Variants in ADAMTS9 observed in about 807,000 individuals in gnomAD.
ADAMTS9 encodes the protein A disintegrin and metalloproteinase with thrombospondin motifs 9.
ADAMTS9 carries 107 observed loss-of-function variants against 257.1 expected under a neutral mutation model. That is an observed-to-expected ratio of 0.42 (90% confidence interval 0.36 to 0.49). ADAMTS9 has a LOEUF of 0.49. ADAMTS9 is among the 20% of genes least tolerant of loss of function. ADAMTS9 has a pLI of 0.03. For missense variants in ADAMTS9, 2,353 were observed against 2,469.1 expected, an observed-to-expected ratio of 0.95 and a Z score of 1.00; for synonymous variants, 982 against 880.9, an observed-to-expected ratio of 1.11 and a Z score of -2.03.
In ADAMTS9 at chr3:64,619,006, A is replaced by C. The variant is rs73122252; in HGVS notation, c.2813+2108T>G. On this transcript the variant is annotated intron_variant, in intron 19 of 39. Coordinates refer to ENST00000498707, the MANE Select transcript of ADAMTS9 (RefSeq NM_182920.2). Reference sequence around the variant, plus strand: ...CTTTGGAATCTGCTCAAAGTGAAAAATAGTTTTTCAAAATAACAGCTCAAA... The same window carrying C: ...CTTTGGAATCTGCTCAAAGTGAAAACTAGTTTTTCAAAATAACAGCTCAAA... 2.1e-3 allele frequency among the ~76,000 whole-genome samples: 323 copies of C among 152,302 alleles called. 1 individual carries two copies. Among genetic ancestry groups the C allele is most frequent in the South Asian group, 0.019 (90 of 4,828 alleles).
chr3:64,518,880 C>T (rs910451894), intron 39 of ADAMTS9, among the ~76,000 whole-genome samples: 2 of 142,664 alleles, frequency 1.4e-5, no homozygotes, highest in African/African-American at 5.2e-5. Context: ...CAGGTTAAAG[C>T]GATTCTCCTG....
chr3:64,544,341 A>C (rs890425372), intron 32 of ADAMTS9, among the ~76,000 whole-genome samples: 4 of 152,218 alleles, frequency 2.6e-5, no homozygotes, highest in Admixed American at 2.6e-4. Flanking sequence ...AGCTGGAGGC[A>C]TCATGCTACC....
At chr3:64,522,586 T>C (rs2082867382) in intron 38 of ADAMTS9, 1 of 199,952 alleles carries the variant, frequency 5.0e-6, no homozygotes, top group African/African-American at 2.3e-5. Flanking sequence ...TTAATAAAGT[T>C]TTATTGGAAT....
Position 64,613,524 on chromosome 3 carries a change from G to C in ADAMTS9, c.3190-15C>G, listed in dbSNP as rs149597828. The C allele has an allele frequency of 6.2e-7, 1 of 1,609,752 alleles. No individual in the cohort carries two copies. Among genetic ancestry groups the C allele is most frequent in the South Asian group, 1.1e-5 (1 of 90,244 alleles). On this transcript the variant is annotated splice_polypyrimidine_tract_variant and intron_variant, in intron 21 of 39. Coordinates refer to ENST00000498707, the MANE Select transcript of ADAMTS9 (RefSeq NM_182920.2). Reference sequence around the variant, plus strand: ...GTGACCAAGCACTGTAATGAAAAGCGGAGCTAGTCAGGGTCATTTCTGATC... The same window carrying C: ...GTGACCAAGCACTGTAATGAAAAGCCGAGCTAGTCAGGGTCATTTCTGATC...
chr3:64,621,061 C>T, intron 19 of ADAMTS9, 53 bp downstream of exon 19: 1 of 1,562,852 alleles, frequency 6.4e-7, no homozygotes, highest in South Asian at 1.2e-5. Flanking sequence ...CTGGGACCTC[C>T]TGCAAGACTC....
rs113005164 is a variant in ADAMTS9, at chr3:64,551,788, T to C, written c.4699-726A>G. ...TAACATGGAACCAAACAAATCTCTTTGTATGTTCCAGGCCCCTGTCCTAGT... is the reference window on the plus strand; with the variant it reads ...TAACATGGAACCAAACAAATCTCTTCGTATGTTCCAGGCCCCTGTCCTAGT... On this transcript the variant is annotated intron_variant, in intron 30 of 39. Coordinates refer to ENST00000498707, the MANE Select transcript of ADAMTS9 (RefSeq NM_182920.2). 5.5e-3 allele frequency among the ~76,000 whole-genome samples: 837 copies of C among 152,324 alleles called. 6 individuals carry two copies. The highest frequency in any genetic ancestry group is 0.019 in the African/African-American group (799 of 41,580).
intron 28 of ADAMTS9, among the ~76,000 whole-genome samples, chr3:64,577,706 A>G (rs199525443): frequency 2.1e-5 from 3 of 140,746 alleles, no homozygotes; most frequent in Non-Finnish European, 4.4e-5. Flanking sequence ...CCCACTTGAC[A>G]TGACTTATGC....
rs1369692325 is a variant in ADAMTS9 at position 64,603,957 on chromosome 3, G to A, written c.3712C>T (p.Pro1238Ser). Residue 1238 changes from proline to serine, a missense_variant, in exon 25 of 40, where the codon CCC (proline) becomes TCC (serine). Transcript: ENST00000498707. ...PVAKEECSVT[P>S]CGQWKALDWS... Reference sequence around the variant, plus strand: ...TCCAAGGCCTTCCATTGCCCACAGGGTGTCACAGAACATTCTTCCTTTGCC... The same window carrying A: ...TCCAAGGCCTTCCATTGCCCACAGGATGTCACAGAACATTCTTCCTTTGCC... 2 of 1,613,954 alleles carry A rather than the reference G, an allele frequency of 1.2e-6. No homozygotes were observed. Among genetic ancestry groups the A allele is most frequent in the East Asian group, 4.5e-5 (2 of 44,842 alleles).
intron 28 of ADAMTS9, among the ~76,000 whole-genome samples, chr3:64,570,852 G>T (rs2083667692): frequency 1.3e-5 from 2 of 152,180 alleles, no homozygotes; most frequent in South Asian, 4.1e-4. Flanking sequence ...CAGAGATGGG[G>T]AAAACTGGGA....
At chr3:64,609,712 T>G (rs1475422663) in intron 22 of ADAMTS9, among the ~76,000 whole-genome samples, 1 of 152,146 alleles carries the variant, frequency 6.6e-6, no homozygotes, top group Non-Finnish European at 1.5e-5. Context: ...TGCCCCAAAT[T>G]AACCCACAGA....
intron 11 of ADAMTS9, among the ~76,000 whole-genome samples, chr3:64,647,151 GAGAT>G (rs1700816480): frequency 6.6e-6 from 1 of 152,138 alleles, no homozygotes; most frequent in Non-Finnish European, 1.5e-5. Flanking sequence ...ATATCATTCA[GAGAT>G]TGTATCCTTG....
At chr3:64,581,748 A>G (rs1003140538) in intron 28 of ADAMTS9, among the ~76,000 whole-genome samples, 1 of 152,178 alleles carries the variant, frequency 6.6e-6, no homozygotes, top group African/African-American at 2.4e-5. Flanking sequence ...CTTATGGAAA[A>G]CCAAGATCTC....
intron 2 of ADAMTS9, among the ~76,000 whole-genome samples, chr3:64,684,189 A>C (rs2107060286): frequency 6.6e-6 from 1 of 152,324 alleles, no homozygotes; most frequent in African/African-American, 2.4e-5. Flanking sequence ...GTGCACTGTA[A>C]ATAGTCTTAA....
rs1206131702 is a variant in ADAMTS9, at chr3:64,532,039, A to G, written c.5718+1127T>C. On this transcript the variant is annotated intron_variant, in intron 38 of 39. Transcript: ENST00000498707. The stretch of plus-strand genomic sequence containing the variant: ...ACTCCTGCCAGGTCCCCCCACCCTT[A>G]GAGATTCCGATTCAGCTCATCTGTG... 3.3e-5 allele frequency among the ~76,000 whole-genome samples: 5 copies of G among 152,186 alleles called. No individual in the cohort carries two copies. In the East Asian group the frequency reaches 9.6e-4, roughly 29 times the overall value.
Position 64,687,537 on chromosome 3 carries a change from G to T in ADAMTS9, c.115+6C>A. 1 of 1,530,176 alleles carries T rather than the reference G, an allele frequency of 6.5e-7. No individual in the cohort carries two copies. The highest frequency in any genetic ancestry group is 8.8e-7 in the Non-Finnish European group (1 of 1,135,278). The allele number at this position is 1,530,176 out of a possible 1,614,324, so 94.8% of individuals were successfully genotyped here. A position where few individuals can be genotyped will look rare whatever the true frequency, so the allele number is the denominator to read the frequency against. On this transcript the variant is annotated splice_donor_region_variant and intron_variant, in intron 1 of 39. Transcript: ENST00000498707. This position sits in a 1 kb window ranked among gnomAD's most constrained non-coding sequence, Gnocchi z 4.4. ...GGCGGGGTCCCGGGGGCCGGAGCCT[G>T]GTTACCTTGCCTCGGGTGCAGCCTG...
intron 12 of ADAMTS9, 147 bp downstream of exon 12, chr3:64,641,701 G>GGTA: frequency 3.2e-6 from 3 of 941,474 alleles, no homozygotes; most frequent in Non-Finnish European, 4.7e-6. Flanking sequence ...ATAGACTTTG[G>GGTA]GTACCGTGGG....
intron 19 of ADAMTS9, among the ~76,000 whole-genome samples, 175 bp from the exon 20 acceptor site, chr3:64,616,345 T>C (rs181634240): frequency 1.3e-3 from 199 of 152,338 alleles, no homozygotes; most frequent in Admixed American, 2.0e-3. Context: ...CATATCCATG[T>C]GTTTTTCATG....
intron 38 of ADAMTS9, among the ~76,000 whole-genome samples, chr3:64,523,292 C>T (rs2082873710): frequency 6.6e-6 from 1 of 152,070 alleles, no homozygotes; most frequent in Non-Finnish European, 1.5e-5. Context: ...TTAATGGGTC[C>T]ACACATATTA....
At chr3:64,680,312 A>G (rs973487395) in intron 3 of ADAMTS9, among the ~76,000 whole-genome samples, 4 of 152,348 alleles carry the variant, frequency 2.6e-5, no homozygotes, top group African/African-American at 9.6e-5. Context: ...CAATTTTAAA[A>G]ATAAAGAATA....
Sources: allele counts gnomAD v4.1 joint callset (sites outside exome capture counted in the v4.1 genomes callset), GRCh38; gene constraint gnomAD v4.1.1; non-coding constraint Gnocchi (gnomAD v3.1); transcripts MANE v1.5; gene names NCBI Gene and HGNC (gene_info 2026-07-23, HGNC 2026-07-21).